The following NETO1 variants were observed in gnomAD, a reference collection of about 807,000 sequenced individuals.
The protein encoded by NETO1 is neuropilin and tolloid like 1.
Under a neutral mutation model 61.3 loss-of-function variants are expected in NETO1, and 26 were observed. The observed-to-expected ratio is 0.42, with a 90% CI of 0.31 to 0.59. The LOEUF (loss-of-function observed/expected upper bound fraction) is 0.59. Ranked by LOEUF, NETO1 falls within the 20% of genes least tolerant of loss-of-function variation. The pLI, the probability that NETO1 is intolerant of heterozygous loss-of-function variation, is 0.12. For missense variants in NETO1, 531 were observed against 662.8 expected (o/e 0.80, Z 2.18); for synonymous variants, 225 against 225.8 (o/e 1.00, Z 0.03).
At chr18:72,864,645 C>T (rs1296381786) in intron 3 of NETO1, among the ~76,000 whole-genome samples, 163 bp downstream of exon 3, 2 of 152,228 alleles carry the variant, frequency 1.3e-5, no homozygotes, top group Non-Finnish European at 2.9e-5. Flanking sequence ...CAATAATTAG[C>T]CTGATTCCAG....
chr18:72,784,752 T>G (rs2071856938), intron 6 of NETO1, among the ~76,000 whole-genome samples: 2 of 152,248 alleles, frequency 1.3e-5, no homozygotes, highest in Admixed American at 6.5e-5. Flanking sequence ...TTTACTAATG[T>G]GCATTCAAAA....
intron 6 of NETO1, among the ~76,000 whole-genome samples, chr18:72,791,981 CAGAG>C (rs1281123273): frequency 6.6e-6 from 1 of 152,116 alleles, no homozygotes; most frequent in Non-Finnish European, 1.5e-5. Context: ...TGTTCAGAGG[CAGAG>C]AGAAATGCAA....
rs1428501329 is a variant in NETO1 at position 72,743,942 on chromosome 18, G to T, written c.*4237C>A. On this transcript the variant is annotated 3_prime_UTR_variant, in exon 11 of 11. Transcript: ENST00000327305. ...GATGGCAGAAGTTGGGGACAAAAAA[G>T]AACATGTTGGCTGCACAGTACTTAC... The T allele has an allele frequency of 6.6e-6, 1 of 152,078 alleles. No homozygotes were observed. Among genetic ancestry groups the T allele is most frequent in the Non-Finnish European group, 1.5e-5 (1 of 68,008 alleles). The allele number at this position is 152,078 out of a possible 1,614,324, so 9.4% of individuals were successfully genotyped here. A position where few individuals can be genotyped will look rare whatever the true frequency, so the allele number is the denominator to read the frequency against.
intron 4 of NETO1, among the ~76,000 whole-genome samples, chr18:72,805,935 CAG>C: frequency 6.6e-6 from 1 of 152,210 alleles, no homozygotes; most frequent in African/African-American, 2.4e-5. Context: ...AAATGAATTT[CAG>C]AGATCAAGAT....
intron 7 of NETO1, among the ~76,000 whole-genome samples, chr18:72,776,211 G>C (rs1401831715): frequency 2.0e-5 from 3 of 152,088 alleles, no homozygotes; most frequent in Non-Finnish European, 4.4e-5. Flanking sequence ...AAAAACCTGA[G>C]GGACGTCCTG....
intron 10 of NETO1, 73 bp downstream of exon 10, chr18:72,748,941 A>G: frequency 1.1e-6 from 1 of 933,338 alleles, no homozygotes; most frequent in South Asian, 1.3e-5. Context: ...CACATTCCCT[A>G]AAAAACTACA....
At chr18:72,850,559 G>C (rs1268689915) in intron 4 of NETO1, among the ~76,000 whole-genome samples, 4 of 152,142 alleles carry the variant, frequency 2.6e-5, no homozygotes, top group African/African-American at 9.7e-5. Context: ...TATTTTCTTA[G>C]GAAAAATATA....
chr18:72,794,265 C>A (rs756471367), intron 5 of NETO1, 21 bp from the exon 6 acceptor site: 1 of 1,613,966 alleles, frequency 6.2e-7, no homozygotes, highest in Non-Finnish European at 8.5e-7. Flanking sequence ...AAATGCCAAA[C>A]AAACACACAA....
In NETO1 at chr18:72,855,013, A is replaced by G. The variant is rs189314266; in HGVS notation, c.469+3813T>C. ...TTTTATATACCAAACTTGATTTAAA[A>G]CTTGTTTAAAGACTCTTTTTAAATG... On this transcript the variant is annotated intron_variant, in intron 4 of 10. Transcript: ENST00000327305. 3.2e-3 allele frequency among the ~76,000 whole-genome samples: 487 copies of G among 152,250 alleles called. 3 individuals carry two copies. The highest frequency in any genetic ancestry group is 0.011 in the African/African-American group (467 of 41,520).
At chr18:72,852,362 A>ACGTAGC (rs2074276801) in intron 4 of NETO1, among the ~76,000 whole-genome samples, 1 of 151,924 alleles carries the variant, frequency 6.6e-6, no homozygotes. Context: ...CTACAGGCAC[A>ACGTAGC]TGCCACCACG....
intron 7 of NETO1, among the ~76,000 whole-genome samples, chr18:72,763,191 T>C (rs573146878): frequency 8.5e-5 from 13 of 152,112 alleles, no homozygotes; most frequent in Admixed American, 5.9e-4. Flanking sequence ...TTAAAACACA[T>C]TGAAATAAAA....
intron 7 of NETO1, among the ~76,000 whole-genome samples, chr18:72,774,891 A>C (rs1051100744): frequency 6.6e-6 from 1 of 152,242 alleles, no homozygotes; most frequent in Non-Finnish European, 1.5e-5. Flanking sequence ...CATTTAGCTT[A>C]TTACTAAGCC....
At chr18:72,836,092 A>G (rs2073739070) in intron 4 of NETO1, among the ~76,000 whole-genome samples, 1 of 152,216 alleles carries the variant, frequency 6.6e-6, no homozygotes, top group East Asian at 1.9e-4. Flanking sequence ...CAAGTAGGCC[A>G]TCTTCCAGTA....
intron 4 of NETO1, chr18:72,834,636 C>T (rs2073684928): frequency 1.0e-6 from 1 of 983,806 alleles, no homozygotes; most frequent in Non-Finnish European, 1.2e-6. Flanking sequence ...TTTATAATTA[C>T]TTAATTCATT....
intron 4 of NETO1, chr18:72,834,455 G>A (rs2073678996): frequency 1.0e-6 from 1 of 980,014 alleles, no homozygotes; most frequent in African/African-American, 1.8e-5. Flanking sequence ...AAACATATCT[G>A]GGGCAAACAG....
At chr18:72,811,376 A>G (rs996073922) in intron 4 of NETO1, among the ~76,000 whole-genome samples, 32 of 152,348 alleles carry the variant, frequency 2.1e-4, no homozygotes, top group African/African-American at 7.2e-4. Context: ...CAGCTTCCAT[A>G]TTCCAAAAGA....
At chr18:72,770,687 C>T (rs979254701) in intron 7 of NETO1, among the ~76,000 whole-genome samples, 1 of 152,198 alleles carries the variant, frequency 6.6e-6, no homozygotes, top group South Asian at 2.1e-4. Flanking sequence ...GCCTAAGTTA[C>T]GGTTGGTAAC....
intron 1 of NETO1, 130 bp from the exon 2 acceptor site, chr18:72,865,371 G>A (rs926759391): frequency 4.4e-6 from 5 of 1,125,446 alleles, no homozygotes; most frequent in African/African-American, 1.6e-5. Flanking sequence ...GTTAGAAGTC[G>A]ATTCAGAACT....
At chr18:72,826,228 C>T (rs1171053244) in intron 4 of NETO1, among the ~76,000 whole-genome samples, 1 of 152,048 alleles carries the variant, frequency 6.6e-6, no homozygotes, top group Non-Finnish European at 1.5e-5. Context: ...TTCTTATCAC[C>T]ATTACGCAGT....
Sources: gnomAD v4.1 joint callset for allele counts (sites outside exome capture counted in the v4.1 genomes callset) on GRCh38, gnomAD v4.1.1 for gene constraint, MANE v1.5 for transcripts, NCBI Gene and HGNC (gene_info 2026-07-23, HGNC 2026-07-21) for gene names.